Variants in RALYL observed in about 807,000 individuals in gnomAD.
The protein encoded by RALYL is RALY RNA binding protein like, also known as RNA-binding Raly-like protein.
In RALYL, 29 loss-of-function variants were observed where a neutral mutation model predicts 35.1. The observed-to-expected ratio is 0.83, with a 90% CI of 0.61 to 1.13. The LOEUF is 1.13. RALYL is among the 50% of genes most tolerant of loss of function. The probability of loss-of-function intolerance (pLI) is 0.00; values close to 1 mark genes in which losing one functional copy is unlikely to be tolerated. For missense variants in RALYL, 359 were observed against 360.4 expected, an observed-to-expected ratio of 1.00 and a Z score of 0.03; for synonymous variants, 120 against 127.6, an observed-to-expected ratio of 0.94 and a Z score of 0.40.
intron 2 of RALYL, among the ~76,000 whole-genome samples, chr8:84,752,871 G>C (rs1009940076): frequency 1.9e-4 from 29 of 152,306 alleles, no homozygotes; most frequent in Admixed American, 5.2e-4. Context: ...ACTGCTGCAG[G>C]GCTGGAGCCC....
intron 2 of RALYL, among the ~76,000 whole-genome samples, chr8:84,593,763 G>A (rs1813843742): frequency 6.6e-6 from 1 of 151,964 alleles, no homozygotes; most frequent in South Asian, 2.1e-4. Context: ...AGACCTAAAG[G>A]AACTCTGCAT....
At chr8:84,256,812 AG>A (rs1303191680) in intron 1 of RALYL, among the ~76,000 whole-genome samples, 2 of 152,110 alleles carry the variant, frequency 1.3e-5, no homozygotes, top group East Asian at 3.9e-4. Context: ...AAGTAGAAAG[AG>A]GTTAAGTAAT....
intron 2 of RALYL, among the ~76,000 whole-genome samples, chr8:84,703,555 T>C (rs1365677772): frequency 6.6e-6 from 1 of 152,178 alleles, no homozygotes. Flanking sequence ...TTCCAAAAAC[T>C]GTTCAGATTG....
intron 1 of RALYL, among the ~76,000 whole-genome samples, chr8:84,462,390 C>T (rs987099982): frequency 6.6e-6 from 1 of 151,072 alleles, no homozygotes; most frequent in Non-Finnish European, 1.5e-5. Flanking sequence ...CCTAATCTGA[C>T]TTGTTCCGTC....
At chr8:84,540,551 C>A (rs1314224899) in intron 2 of RALYL, among the ~76,000 whole-genome samples, 1 of 130,300 alleles carries the variant, frequency 7.7e-6, no homozygotes, top group Admixed American at 7.8e-5. Context: ...ATCAACCCAT[C>A]ATGATAAAAA....
intron 1 of RALYL, among the ~76,000 whole-genome samples, chr8:84,452,205 G>T (rs1411203243): frequency 6.6e-6 from 1 of 150,658 alleles, no homozygotes; most frequent in Admixed American, 6.6e-5. Flanking sequence ...TTTGCTCAGG[G>T]TGACAGCTTG....
chr8:84,911,970 G>A (rs1847579407), intron 8 of RALYL, among the ~76,000 whole-genome samples: 1 of 152,060 alleles, frequency 6.6e-6, no homozygotes, highest in African/African-American at 2.4e-5. Flanking sequence ...CCTGGCGTGT[G>A]GCTATTTTCA....
rs943014822 is a variant in RALYL at position 84,413,334 on chromosome 8, T to C, written c.-23-115965T>C. ...CAAAGAATTATAAATGACTATTATG[T>C]ATTTTTATTTGGAAACATTTTGGTT... On this transcript the variant is annotated intron_variant, in intron 1 of 8. Transcript: ENST00000521268. 2.6e-5 allele frequency among the ~76,000 whole-genome samples: 4 copies of C among 151,808 alleles called. No homozygotes were observed. In the East Asian group the frequency reaches 7.7e-4, roughly 29 times the overall value.
chr8:84,620,828 T>C (rs2131063302), intron 2 of RALYL, among the ~76,000 whole-genome samples: 3 of 152,302 alleles, frequency 2.0e-5, no homozygotes, highest in Middle Eastern at 3.4e-3. Flanking sequence ...GACCCTCAGC[T>C]GCAGGTCTGC....
At chr8:84,604,830 A>T (rs923259515) in intron 2 of RALYL, among the ~76,000 whole-genome samples, 3 of 152,124 alleles carry the variant, frequency 2.0e-5, no homozygotes, top group African/African-American at 7.2e-5. Flanking sequence ...GCTTTTACTT[A>T]TTATATGTGA....
intron 2 of RALYL, among the ~76,000 whole-genome samples, chr8:84,666,195 A>G (rs988002094): frequency 2.0e-5 from 3 of 152,026 alleles, no homozygotes; most frequent in Non-Finnish European, 4.4e-5. Context: ...CCACCATAAC[A>G]TATTTTTCAT....
chr8:84,259,699 G>A (rs548310366), intron 1 of RALYL, among the ~76,000 whole-genome samples: 42 of 152,232 alleles, frequency 2.8e-4, no homozygotes, highest in African/African-American at 1.0e-3. Context: ...TCAAACTACT[G>A]TTTATCTTTT....
intron 1 of RALYL, among the ~76,000 whole-genome samples, chr8:84,474,510 A>G (rs1563997789): frequency 6.6e-6 from 1 of 152,210 alleles, no homozygotes; most frequent in Non-Finnish European, 1.5e-5. Flanking sequence ...ATTTCATAGT[A>G]CTAGAGTATA....
intron 2 of RALYL, among the ~76,000 whole-genome samples, chr8:84,696,879 G>A (rs1839251380): frequency 6.6e-6 from 1 of 151,980 alleles, no homozygotes; most frequent in African/African-American, 2.4e-5. Context: ...AGAATATCCA[G>A]GTGGTTCTGA....
intron 2 of RALYL, among the ~76,000 whole-genome samples, chr8:84,550,382 A>G (rs2060635869): frequency 6.6e-6 from 1 of 152,150 alleles, no homozygotes; most frequent in South Asian, 2.1e-4. Flanking sequence ...CTAAGAATTG[A>G]ACAGCCTTGC....
chr8:84,198,632 T>A (rs548411044), intron 1 of RALYL, among the ~76,000 whole-genome samples: 1 of 152,164 alleles, frequency 6.6e-6, no homozygotes, highest in Non-Finnish European at 1.5e-5. Context: ...TTTGTACCTA[T>A]TAATCATCCC....
chr8:84,865,090 T>C (rs956717754), intron 6 of RALYL, among the ~76,000 whole-genome samples: 2 of 152,214 alleles, frequency 1.3e-5, no homozygotes, highest in African/African-American at 4.8e-5. Context: ...TAGGAGCATA[T>C]TGGCAGATTA....
chr8:84,443,244 G>T (rs941914548), intron 1 of RALYL, among the ~76,000 whole-genome samples: 2 of 152,126 alleles, frequency 1.3e-5, no homozygotes, highest in South Asian at 4.1e-4. Flanking sequence ...CAAAGAGCTA[G>T]TAGAGACTGT....
At chr8:84,407,459 C>A (rs1444706746) in intron 1 of RALYL, among the ~76,000 whole-genome samples, 1 of 152,054 alleles carries the variant, frequency 6.6e-6, no homozygotes, top group African/African-American at 2.4e-5. Context: ...CATTCTTATT[C>A]AATTATCAAC....
Sources: allele counts gnomAD v4.1 joint callset (sites outside exome capture counted in the v4.1 genomes callset), GRCh38; gene constraint gnomAD v4.1.1; transcripts MANE v1.5; gene names NCBI Gene and HGNC (gene_info 2026-07-23, HGNC 2026-07-21).